The following ZMYM2 variants were observed in gnomAD, a reference collection of about 807,000 sequenced individuals.
The protein encoded by ZMYM2 is zinc finger MYM-type containing 2.
In ZMYM2, 56 loss-of-function variants were observed where a neutral mutation model predicts 162.8. That is an observed-to-expected ratio of 0.34 (90% confidence interval 0.28 to 0.43). The LOEUF (loss-of-function observed/expected upper bound fraction) is 0.43. Ranked by LOEUF, ZMYM2 falls within the 20% of genes least tolerant of loss-of-function variation. The pLI is 1.00. For missense variants in ZMYM2, 1,275 were observed against 1,621.8 expected (o/e 0.79, Z 3.67); for synonymous variants, 510 against 541.6 (o/e 0.94, Z 0.81).
At chr13:20,074,780 C>T (rs1411168134) in intron 21 of ZMYM2, among the ~76,000 whole-genome samples, 11 of 152,070 alleles carry the variant, frequency 7.2e-5, no homozygotes, top group South Asian at 2.1e-4. Flanking sequence ...CCTCGTGATC[C>T]GCCTGCCTTG....
At chr13:19,963,738 A>G (rs982868941) in intron 2 of ZMYM2, among the ~76,000 whole-genome samples, 1 of 152,096 alleles carries the variant, frequency 6.6e-6, no homozygotes, top group African/African-American at 2.4e-5. Context: ...GTGCATATTT[A>G]AGATATATTA....
In ZMYM2 at chr13:20,036,893, A is replaced by T; in HGVS notation, c.2276A>T (p.Gln759Leu). ...AGTGAAGATTGCTGTAAAAAATTTC[A>T]GGATTGGTACTACAAGGCGAGTAAC... ...FCSEDCCKKF[Q>L]DWYYKAARCD... The change falls in exon 12 of 25, where the codon CAG (glutamine) becomes CTG (leucine). Residue 759 changes from glutamine (Q) to leucine (L), a missense_variant. Around this residue, in one of 10 missense-constraint regions of ZMYM2, gnomAD observed 177 missense variants for 228.0 expected, o/e 0.78. Coordinates refer to ENST00000610343, the MANE Select transcript of ZMYM2 (RefSeq NM_197968.4). The T allele has an allele frequency of 6.2e-7, 1 of 1,609,582 alleles. No homozygotes were observed. The highest frequency in any genetic ancestry group is 2.2e-5 in the East Asian group (1 of 44,676).
At chr13:19,887,461 G>A in the ZMYM2 span, among the ~76,000 whole-genome samples, 1,487 of 151,548 alleles carry the variant, frequency 9.8e-3, 10 homozygotes, top group Non-Finnish European at 0.017. Flanking sequence ...CCCAGGAGGC[G>A]GAGGTTGCAG....
rs566434571 is a variant in ZMYM2 at position 19,973,722 on chromosome 13, A to G, written c.-11+13696A>G. Among the ~76,000 whole-genome samples, 3 of 151,920 alleles carry G rather than the reference A, an allele frequency of 2.0e-5. No individual in the cohort carries two copies. In the East Asian group the frequency reaches 5.8e-4, roughly 29 times the overall value. ...AAACAAAACAAAAAACAGAAAAAAA[A>G]CCCAACACAATACCATAGGGCAAGC... On this transcript the variant is annotated intron_variant, in intron 2 of 24. Transcript: ENST00000610343.
the ZMYM2 span, among the ~76,000 whole-genome samples, chr13:19,882,640 A>C: frequency 6.6e-6 from 1 of 152,010 alleles, no homozygotes; most frequent in African/African-American, 2.4e-5. Context: ...CCAACTACTC[A>C]GGAGCCTGAG....
intron 6 of ZMYM2, among the ~76,000 whole-genome samples, chr13:20,010,939 C>T (rs1951123607): frequency 6.6e-6 from 1 of 152,182 alleles, no homozygotes; most frequent in African/African-American, 2.4e-5. Flanking sequence ...GCGCCTGGCC[C>T]TCTTTTATTT....
At chr13:19,978,705 G>A (rs962947128) in intron 2 of ZMYM2, among the ~76,000 whole-genome samples, 1 of 152,034 alleles carries the variant, frequency 6.6e-6, no homozygotes, top group Non-Finnish European at 1.5e-5. Flanking sequence ...GTGAGCCACC[G>A]TTCCCAGCCT....
intron 3 of ZMYM2, among the ~76,000 whole-genome samples, chr13:19,997,086 G>T (rs1183069518): frequency 1.3e-5 from 2 of 152,118 alleles, no homozygotes; most frequent in Admixed American, 6.6e-5. Context: ...TGCTTTGGGT[G>T]GTTGTCTTTT....
At chr13:20,073,918 G>A (rs750966670) in intron 21 of ZMYM2, among the ~76,000 whole-genome samples, 3 of 152,070 alleles carry the variant, frequency 2.0e-5, no homozygotes, top group Non-Finnish European at 2.9e-5. Flanking sequence ...GTGGCATTAA[G>A]TACATTCACA....
At chr13:20,018,043 C>T (rs1951768928) in intron 6 of ZMYM2, among the ~76,000 whole-genome samples, 1 of 152,118 alleles carries the variant, frequency 6.6e-6, no homozygotes, top group Non-Finnish European at 1.5e-5. Flanking sequence ...CTTGGCCTCT[C>T]TACATCTGTG....
chr13:19,870,852 C>G, the ZMYM2 span, among the ~76,000 whole-genome samples: 1 of 151,910 alleles, frequency 6.6e-6, no homozygotes, highest in South Asian at 2.1e-4. Context: ...GTCTCCGACT[C>G]CCGACCTCAG....
intron 2 of ZMYM2, among the ~76,000 whole-genome samples, chr13:19,977,095 T>C (rs771197154): frequency 2.0e-5 from 3 of 152,242 alleles, no homozygotes; most frequent in Non-Finnish European, 2.9e-5. Context: ...ACTCCAATTC[T>C]CATTTGGTTA....
the ZMYM2 span, among the ~76,000 whole-genome samples, chr13:19,868,900 G>A: frequency 6.6e-6 from 1 of 152,082 alleles, no homozygotes; most frequent in African/African-American, 2.4e-5. Flanking sequence ...ACAGGCGCCT[G>A]CCACCATGCC....
Position 20,040,681 on chromosome 13 carries a change from T to C in ZMYM2, c.2292+3772T>C, listed in dbSNP as rs577354742. Among the ~76,000 whole-genome samples the C allele has an allele frequency of 4.0e-3, 605 of 152,318 alleles. 1 individual carries two copies. The highest frequency in any genetic ancestry group is 5.7e-3 in the Non-Finnish European group (390 of 68,028). The stretch of plus-strand genomic sequence containing the variant: ...GTTTTCTCTTGGTTCTCTAGTTCTT[T>C]TAGTTGTGATGTTAGGTTGTTAAAT... On this transcript the variant is annotated intron_variant, in intron 12 of 24. Transcript: ENST00000610343.
At chr13:19,916,441 AG>A in the ZMYM2 span, among the ~76,000 whole-genome samples, 1 of 152,214 alleles carries the variant, frequency 6.6e-6, no homozygotes, top group Non-Finnish European at 1.5e-5. Flanking sequence ...TATTCACAAT[AG>A]CAAAGACTTG....
the ZMYM2 span, among the ~76,000 whole-genome samples, chr13:19,931,150 T>A: frequency 0.92 from 122,176 of 133,306 alleles, 55,926 homozygotes; most frequent in East Asian, 0.98. Flanking sequence ...AAAAAAAAAA[T>A]AATAATAATA....
the ZMYM2 span, among the ~76,000 whole-genome samples, chr13:19,951,566 G>A: frequency 3.5e-4 from 53 of 150,944 alleles, 1 homozygote; most frequent in East Asian, 7.2e-3. Context: ...ACCGGGGGTC[G>A]TGGTGTGCGC....
At position 20,002,831 on chromosome 13, in the gene ZMYM2, T is replaced by G. The variant is rs1950495065; in HGVS notation, c.848-19T>G. The G allele has an allele frequency of 6.2e-7, 1 of 1,608,252 alleles. No homozygotes were observed. The highest frequency in any genetic ancestry group is 1.3e-5 in the African/African-American group (1 of 74,678). ...AAACACTTGTTTCATTATTCTTTCT[T>G]GTGCATTTTGTTTTTAAGATTCTTG... On this transcript the variant is annotated intron_variant, in intron 3 of 24. Coordinates refer to ENST00000610343, the MANE Select transcript of ZMYM2 (RefSeq NM_197968.4).
the ZMYM2 span, among the ~76,000 whole-genome samples, chr13:19,866,477 C>T: frequency 6.6e-6 from 1 of 151,882 alleles, no homozygotes; most frequent in African/African-American, 2.4e-5. Flanking sequence ...ACCAGCTTGA[C>T]CAACATGGCG....
Sources: allele counts gnomAD v4.1 joint callset (sites outside exome capture counted in the v4.1 genomes callset), GRCh38; gene constraint gnomAD v4.1.1; regional missense constraint gnomAD v4.1.1; transcripts MANE v1.5; gene names NCBI Gene and HGNC (gene_info 2026-07-23, HGNC 2026-07-21).